Variants in NOM1 observed in about 807,000 individuals in gnomAD.
The protein encoded by NOM1 is nucleolar MIF4G domain-containing protein 1.
A neutral mutation model predicts 73.3 loss-of-function variants in NOM1; 58 were observed. The ratio of observed to expected loss-of-function variants is 0.79; its 90% CI spans 0.64 to 0.99. The LOEUF is 0.99. NOM1 is among the 50% of genes least tolerant of loss of function. The pLI is 0.00. For synonymous variants in NOM1, 487 were observed against 446.8 expected (o/e 1.09, Z -1.14); for missense variants, 1,226 against 1,131.9 (o/e 1.08, Z -1.19).
At chr7:156,962,352 C>T (rs1421119864) in intron 5 of NOM1, 91 bp downstream of exon 5, 38 of 1,054,008 alleles carry the variant, frequency 3.6e-5, no homozygotes, top group African/African-American at 1.4e-4. Context: ...CAGACCTGCA[C>T]GTCAGGGTGG....
chr7:156,954,060 A>G (rs1804658130), intron 2 of NOM1, 43 bp from the exon 3 acceptor site: 2 of 1,537,676 alleles, frequency 1.3e-6, no homozygotes, highest in Admixed American at 2.1e-5. Flanking sequence ...GAAAATTCCT[A>G]ATTGGAAACA....
chr7:156,954,605 C>T (rs1166702713), intron 3 of NOM1, among the ~76,000 whole-genome samples: 4 of 144,938 alleles, frequency 2.8e-5, no homozygotes, highest in Admixed American at 2.1e-4. Flanking sequence ...GCTGCAGACT[C>T]GAGTGATCCT....
chr7:156,968,685 TTTTATATATATA>T (rs1023654748), intron 9 of NOM1: 6 of 97,474 alleles, frequency 6.2e-5, no homozygotes, highest in East Asian at 2.7e-4. Flanking sequence ...TAGAAGTAAA[TTTTATATATATA>T]TATATATATA....
chr7:156,960,165 C>G lies in NOM1; in HGVS notation c.1623C>G (p.Asp541Glu). ...GCGGGGCAGGCAGCGAGTTTCAGGA[C>G]CAGACCAGGGTACGCGTGCGACGCT... ...KASGAGSEFQ[D>E]QTRIRFMLET... Residue 541 changes from aspartate to glutamate, a missense_variant, in exon 4 of 11, where the codon GAC (aspartate) becomes GAG (glutamate). Transcript: ENST00000275820. 1 of 1,612,872 alleles carries G rather than the reference C, an allele frequency of 6.2e-7. No homozygotes were observed. Among genetic ancestry groups the G allele is most frequent in the Non-Finnish European group, 8.5e-7 (1 of 1,179,724 alleles).
At chr7:156,969,282 T>A (rs904936201) in intron 10 of NOM1, 86 bp downstream of exon 10, 1 of 866,466 alleles carries the variant, frequency 1.2e-6, no homozygotes, top group Non-Finnish European at 1.9e-6. Context: ...CACAAGGTTG[T>A]ACTATACGTG....
intron 4 of NOM1, among the ~76,000 whole-genome samples, chr7:156,961,563 G>C (rs1252201166): frequency 1.3e-5 from 2 of 152,112 alleles, no homozygotes; most frequent in South Asian, 4.1e-4. Context: ...GAAATTGATT[G>C]TGGTGATAGT....
intron 7 of NOM1, among the ~76,000 whole-genome samples, chr7:156,965,298 G>T (rs773221851): frequency 6.6e-6 from 1 of 152,208 alleles, no homozygotes; most frequent in East Asian, 1.9e-4. Flanking sequence ...ACCATGAGAC[G>T]CCGTCTAAGG....
intron 6 of NOM1, 88 bp from the exon 7 acceptor site, chr7:156,963,817 C>T: frequency 6.7e-7 from 1 of 1,485,862 alleles, no homozygotes; most frequent in East Asian, 2.3e-5. Context: ...CAGTTCTATT[C>T]AGTGACACTG....
intron 3 of NOM1, among the ~76,000 whole-genome samples, chr7:156,957,648 G>A (rs1041278195): frequency 1.3e-5 from 2 of 151,766 alleles, no homozygotes; most frequent in African/African-American, 2.4e-5. Context: ...GGTGGCAGGT[G>A]CCTATAGTCC....
At chr7:156,968,399 C>T (rs948246738) in intron 9 of NOM1, among the ~76,000 whole-genome samples, 5 of 152,206 alleles carry the variant, frequency 3.3e-5, no homozygotes, top group Middle Eastern at 6.8e-3. Context: ...GTGGTCTCGC[C>T]GCGTCCTCGG....
Position 156,969,502 on chromosome 7 carries a change from A to T in NOM1, c.2409-27A>T, listed in dbSNP as rs181036662. The T allele has an allele frequency of 2.5e-6, 4 of 1,598,454 alleles. No homozygotes were observed. The African/African-American group carries it at 5.4e-5, about 21-fold the overall frequency. On this transcript the variant is annotated intron_variant, in intron 10 of 10. Transcript: ENST00000275820. ...TCTAGGAGAGGCCAGCTCAGCCCTG[A>T]CATGTGTTTATACGATTCCTTTCCA...
At chr7:156,958,255 T>C (rs2134781662) in intron 3 of NOM1, among the ~76,000 whole-genome samples, 1 of 152,332 alleles carries the variant, frequency 6.6e-6, no homozygotes, top group East Asian at 1.9e-4. Flanking sequence ...GCTGGTCTTG[T>C]CCAGCCCCAC....
chr7:156,962,083 G>A, intron 4 of NOM1, 68 bp from the exon 5 acceptor site: 2 of 1,328,378 alleles, frequency 1.5e-6, no homozygotes, highest in Non-Finnish European at 2.2e-6. Flanking sequence ...TAGATTTCTT[G>A]CCAACTTGAA....
At position 156,952,490 on chromosome 7, in the gene NOM1, G is replaced by T; in HGVS notation, c.1004G>T (p.Gly335Val). 6.2e-7 allele frequency: 1 copy of T among 1,612,626 alleles called. No homozygotes were observed. The highest frequency in any genetic ancestry group is 8.5e-7 in the Non-Finnish European group (1 of 1,179,666). The change falls in exon 2 of 11, where the codon GGT (glycine) becomes GTT (valine). Residue 335 changes from glycine to valine, a missense_variant. Gly to Val is a moderately radical substitution (Grantham distance 109, BLOSUM62 -3). Transcript: ENST00000275820. ...TTCAAGCAGAGTCTTTGTGGAAGTG[G>T]TGAAAAGTACATCCCACCTCATGTG... ...DITDKSLCGS[G>V]EKYIPPHVRQ...
chr7:156,961,851 C>T (rs1042296969), intron 4 of NOM1, among the ~76,000 whole-genome samples: 17 of 151,920 alleles, frequency 1.1e-4, no homozygotes, highest in Non-Finnish European at 1.9e-4. Context: ...CCGGGGTGGC[C>T]GAGTAGGTGT....
intron 3 of NOM1, among the ~76,000 whole-genome samples, chr7:156,954,522 C>CTTTTTTTTTTTTTTTT (rs34176770): frequency 0.01 from 1,065 of 101,446 alleles, 77 homozygotes; most frequent in Non-Finnish European, 0.016. Flanking sequence ...TCTGTCCATT[C>CTTTTTTTTTTTTTTTT]TTTTTTTTTT....
intron 1 of NOM1, among the ~76,000 whole-genome samples, chr7:156,951,597 C>T (rs558565214): frequency 4.6e-5 from 7 of 152,278 alleles, no homozygotes; most frequent in South Asian, 4.1e-4. Flanking sequence ...TTTATTGAAC[C>T]AGGTTTAAAC....
At position 156,950,138 on chromosome 7, in the gene NOM1, CTAG is replaced by C. The variant is rs2134765144; in HGVS notation, c.403_405del (p.Ser135del). On this transcript the variant is annotated inframe_deletion, in exon 1 of 11. Coordinates refer to ENST00000275820, the MANE Select transcript of NOM1 (RefSeq NM_138400.2). ...ACGGAGGAGCGCGCCCGCCCAGCCC[CTAG>C]TCGGGACCCCTCGCCTCCCAGGAAG... 1 of 1,574,006 alleles carries C rather than the reference CTAG, an allele frequency of 6.4e-7. No individual in the cohort carries two copies. The highest frequency in any genetic ancestry group is 8.6e-7 in the Non-Finnish European group (1 of 1,163,524).
At position 156,950,165 on chromosome 7, in the gene NOM1, AGCCGCGGCCGTCCCGGGTCAAGGCCAAG is replaced by A. The variant is rs1447434475; in HGVS notation, c.432_459del (p.Ser147ProfsTer21). 1.3e-6 allele frequency: 2 copies of A among 1,597,536 alleles called. No individual in the cohort carries two copies. The highest frequency in any genetic ancestry group is 1.7e-6 in the Non-Finnish European group (2 of 1,174,942). On this transcript the variant is annotated frameshift_variant, in exon 1 of 11. Transcript: ENST00000275820. LOFTEE classifies it high-confidence loss of function. ...AGTCGGGACCCCTCGCCTCCCAGGA[AGCCGCGGCCGTCCCGGGTCAAGGCCAAG>A]GCCACGGCCGCCACCGCAAAGACCA... is the stretch of plus-strand genomic sequence containing the variant.
Sources: gnomAD v4.1 joint callset for allele counts (sites outside exome capture counted in the v4.1 genomes callset) on GRCh38, gnomAD v4.1.1 for gene constraint, MANE v1.5 for transcripts, NCBI Gene and HGNC (gene_info 2026-07-23, HGNC 2026-07-21) for gene names.